Variants in PALM2AKAP2 observed in about 807,000 individuals in gnomAD.
The protein encoded by PALM2AKAP2 is PALM2-AKAP2 fusion protein.
A neutral mutation model predicts 71.5 loss-of-function variants in PALM2AKAP2; 37 were observed. That is an observed-to-expected ratio of 0.52 (90% confidence interval 0.40 to 0.68). PALM2AKAP2 has a LOEUF of 0.68. Among genes scored for constraint, PALM2AKAP2 ranks in the 30% least tolerant of loss-of-function variants. The probability of loss-of-function intolerance (pLI) is 0.00; values close to 1 mark genes in which losing one functional copy is unlikely to be tolerated. For missense variants in PALM2AKAP2, 1,224 were observed against 1,191.8 expected (o/e 1.03, Z -0.40); for synonymous variants, 468 against 478.8 (o/e 0.98, Z 0.29).
At chr9:109,866,409 C>T (rs189051597) in intron 1 of PALM2AKAP2, among the ~76,000 whole-genome samples, 26 of 152,224 alleles carry the variant, frequency 1.7e-4, no homozygotes, top group African/African-American at 5.1e-4. Context: ...CACTCCTGTA[C>T]GCTTTGGAAA....
chr9:109,692,748 T>G (rs1461876980), intron 1 of PALM2AKAP2, among the ~76,000 whole-genome samples: 1 of 152,050 alleles, frequency 6.6e-6, no homozygotes, highest in African/African-American at 2.4e-5. Flanking sequence ...GTAAATTAAT[T>G]TGAAAATGTT....
chr9:109,748,393 G>C (rs930641458), intron 1 of PALM2AKAP2, among the ~76,000 whole-genome samples: 2 of 152,154 alleles, frequency 1.3e-5, no homozygotes, highest in African/African-American at 2.4e-5. Flanking sequence ...TCCCAAGACA[G>C]CTGGGGCATC....
chr9:109,845,584 C>T (rs1375404176), intron 1 of PALM2AKAP2, among the ~76,000 whole-genome samples: 2 of 152,164 alleles, frequency 1.3e-5, no homozygotes, highest in Non-Finnish European at 2.9e-5. Context: ...ATCCAGGAGG[C>T]TACAGAAATG....
At chr9:110,146,331 C>T (rs2119161587) in intron 2 of PALM2AKAP2, among the ~76,000 whole-genome samples, 1 of 152,328 alleles carries the variant, frequency 6.6e-6, no homozygotes, top group Admixed American at 6.5e-5. Flanking sequence ...TTCCCTGGTA[C>T]AAGCAGGTTC....
At chr9:109,989,627 A>T (rs12337887) in intron 6 of PALM2AKAP2, among the ~76,000 whole-genome samples, 13,277 of 152,242 alleles carry the variant, frequency 0.087, 798 homozygotes, top group Non-Finnish European at 0.12. Context: ...GTGGTAAGAG[A>T]TTCTTCTCAG....
upstream of PALM2AKAP2, among the ~76,000 whole-genome samples, chr9:109,778,625 A>G (rs1385284488): frequency 6.6e-6 from 1 of 152,174 alleles, no homozygotes; most frequent in African/African-American, 2.4e-5. Flanking sequence ...TCAGTAAACG[A>G]TTTTGGTGAG....
At chr9:110,131,496 C>G (rs1835733754) in intron 1 of PALM2AKAP2, among the ~76,000 whole-genome samples, 1 of 152,212 alleles carries the variant, frequency 6.6e-6, no homozygotes, top group African/African-American at 2.4e-5. Flanking sequence ...ACCTTCTTAT[C>G]TTCAAAGAGA....
At chr9:109,765,700 CTTGAA>C (rs1829140880) in intron 1 of PALM2AKAP2, 1 of 152,216 alleles carries the variant, frequency 6.6e-6, no homozygotes, top group Admixed American at 6.6e-5. Flanking sequence ...GCTTCTCAAA[CTTGAA>C]TTGTGCACAG....
At chr9:109,809,172 TG>T (rs1314273066) in intron 1 of PALM2AKAP2, among the ~76,000 whole-genome samples, 2 of 152,202 alleles carry the variant, frequency 1.3e-5, no homozygotes, top group African/African-American at 4.8e-5. Context: ...AGAAGGCCAT[TG>T]CTCTCCAGAC....
chr9:109,890,811 A>G (rs1221080478), intron 3 of PALM2AKAP2, among the ~76,000 whole-genome samples: 1 of 152,242 alleles, frequency 6.6e-6, no homozygotes, highest in African/African-American at 2.4e-5. Flanking sequence ...GGCCACACGC[A>G]GAGTGAGGAG....
intron 1 of PALM2AKAP2, among the ~76,000 whole-genome samples, chr9:109,708,322 A>T (rs1828173373): frequency 6.6e-6 from 1 of 152,194 alleles, no homozygotes; most frequent in Non-Finnish European, 1.5e-5. Flanking sequence ...CTTACTATAG[A>T]CAGCAGGACC....
intron 1 of PALM2AKAP2, among the ~76,000 whole-genome samples, chr9:109,711,145 A>G (rs1425899754): frequency 1.4e-5 from 2 of 147,350 alleles, no homozygotes; most frequent in Non-Finnish European, 3.0e-5. Context: ...ACAAGAGGGA[A>G]TGACCTTGTT....
chr9:109,840,776 A>C (rs896679762), intron 1 of PALM2AKAP2, among the ~76,000 whole-genome samples: 2 of 152,250 alleles, frequency 1.3e-5, no homozygotes, highest in African/African-American at 4.8e-5. Flanking sequence ...AATGCTCATC[A>C]TCACTGGCCA....
intron 1 of PALM2AKAP2, among the ~76,000 whole-genome samples, chr9:109,725,029 A>AATTTATAC (rs1447317334): frequency 5.9e-5 from 9 of 152,232 alleles, no homozygotes; most frequent in Admixed American, 4.6e-4. Flanking sequence ...TGAACAAGAC[A>AATTTATAC]ATTTATACAA....
intron 1 of PALM2AKAP2, among the ~76,000 whole-genome samples, chr9:109,704,090 A>T (rs144759445): frequency 6.6e-6 from 1 of 152,274 alleles, no homozygotes; most frequent in Admixed American, 6.5e-5. Context: ...GAGAGAATAG[A>T]TAGATGAGTT....
intron 1 of PALM2AKAP2, among the ~76,000 whole-genome samples, chr9:110,133,406 T>A (rs986117278): frequency 6.6e-6 from 1 of 152,128 alleles, no homozygotes. Context: ...ATTTTTTTTT[T>A]AAAGGGTGTT....
intron 6 of PALM2AKAP2, among the ~76,000 whole-genome samples, chr9:109,961,317 A>G (rs1213869100): frequency 6.6e-6 from 1 of 152,238 alleles, no homozygotes; most frequent in African/African-American, 2.4e-5. Flanking sequence ...TAATGAAGAC[A>G]TACTTCCAGG....
At chr9:109,984,335 C>A (rs1031056337) in intron 6 of PALM2AKAP2, among the ~76,000 whole-genome samples, 2 of 151,992 alleles carry the variant, frequency 1.3e-5, no homozygotes, top group African/African-American at 4.8e-5. Flanking sequence ...TACAAGGTGT[C>A]TCTCTTTAGT....
intron 1 of PALM2AKAP2, among the ~76,000 whole-genome samples, chr9:110,077,861 A>G (rs1834354161): frequency 6.6e-6 from 1 of 152,104 alleles, no homozygotes; most frequent in Non-Finnish European, 1.5e-5. Context: ...TAAAAATACA[A>G]AAATTAGCTG....
Sources: gnomAD v4.1 joint callset for allele counts (sites outside exome capture counted in the v4.1 genomes callset) on GRCh38, gnomAD v4.1.1 for gene constraint, MANE v1.5 for transcripts, NCBI Gene and HGNC (gene_info 2026-07-23, HGNC 2026-07-21) for gene names.